The following PKM variants were observed in gnomAD, a reference collection of about 807,000 sequenced individuals.
PKM encodes the protein pyruvate kinase PKM.
In PKM, 18 loss-of-function variants were observed where a neutral mutation model predicts 49.8. The ratio of observed to expected loss-of-function variants is 0.36; its 90% confidence interval spans 0.25 to 0.54. The LOEUF (loss-of-function observed/expected upper bound fraction) is 0.54, where lower values mean the gene tolerates loss of function less well. PKM is among the 20% of genes least tolerant of loss of function. The probability of loss-of-function intolerance (pLI) is 0.89; values close to 1 mark genes in which losing one functional copy is unlikely to be tolerated. For synonymous variants in PKM, 239 were observed against 261.8 expected (o/e 0.91, Z 0.84); for missense variants, 508 against 713.8 (o/e 0.71, Z 3.28).
chr15:72,211,413 G>A (rs2082251499), intron 3 of PKM, among the ~76,000 whole-genome samples: 1 of 152,150 alleles, frequency 6.6e-6, no homozygotes, highest in South Asian at 2.1e-4. Flanking sequence ...GTGGTCATAT[G>A]CCTTTCTCTA....
At chr15:72,206,648 A>G in intron 8 of PKM, 80 bp downstream of exon 8, 1 of 1,401,316 alleles carries the variant, frequency 7.1e-7, no homozygotes, top group South Asian at 1.2e-5. Flanking sequence ...GGAGAAACCT[A>G]AAAAGCTCTG....
At chr15:72,217,174 G>A (rs1451428602) in intron 3 of PKM, among the ~76,000 whole-genome samples, 1 of 152,180 alleles carries the variant, frequency 6.6e-6, no homozygotes, top group Non-Finnish European at 1.5e-5. Flanking sequence ...AGAGGTGTGT[G>A]GGAGAACCAC....
chr15:72,218,538 G>A (rs1426684763), intron 2 of PKM, among the ~76,000 whole-genome samples: 7 of 151,390 alleles, frequency 4.6e-5, no homozygotes, highest in African/African-American at 1.7e-4. Context: ...CTTTGTCTCA[G>A]CCTCCCATGT....
chr15:72,211,837 C>T (rs943747595), intron 3 of PKM, among the ~76,000 whole-genome samples: 2 of 151,698 alleles, frequency 1.3e-5, no homozygotes, highest in African/African-American at 4.8e-5. Flanking sequence ...AGACGCAGAG[C>T]CAAGATGTCA....
chr15:72,218,978 G>T lies in PKM; in HGVS notation c.120C>A (p.Ile40=). 6.2e-7 allele frequency: 1 copy of T among 1,614,226 alleles called. No homozygotes were observed. The highest frequency in any genetic ancestry group is 8.5e-7 in the Non-Finnish European group (1 of 1,180,046). Residue 40 remains isoleucine, a synonymous_variant, in exon 2 of 11, where the codon ATC becomes ATA. Coordinates refer to ENST00000335181, the MANE Select transcript of PKM (RefSeq NM_002654.6). ...MCRLDIDSPP[I]TARNTGIICT... is the part of the protein sequence containing the mutation. ...AGATGATGCCAGTGTTCCGGGCTGT[G>T]ATGGGTGGTGAATCAATGTCCAGGC...
In PKM at chr15:72,199,691, A is replaced by G. The variant is rs1205141112; in HGVS notation, c.1555T>C (p.Ser519Pro). 2.5e-6 allele frequency: 4 copies of G among 1,613,868 alleles called. No homozygotes were observed. The South Asian group carries it at 3.3e-5, about 13-fold the overall frequency. The change falls in exon 11 of 11, where the codon TCC becomes CCC. Residue 519 changes from serine (S) to proline (P), a missense_variant. Coordinates refer to ENST00000335181, the MANE Select transcript of PKM (RefSeq NM_002654.6). Reference protein sequence around the residue: ...VIVLTGWRPGSGFTNTMRVVP... With the variant: ...VIVLTGWRPGPGFTNTMRVVP... ...ACACGCATGGTGTTGGTGAAGCCGG[A>G]GCCAGGGCGCCATCCGGTCAGCACA...
chr15:72,214,885 G>A (rs2082339576), intron 3 of PKM, among the ~76,000 whole-genome samples: 1 of 152,082 alleles, frequency 6.6e-6, no homozygotes, highest in South Asian at 2.1e-4. Context: ...CATGTGAACT[G>A]CCAAAAGTGA....
chr15:72,229,404 T>A, intron 1 of PKM: 1 of 401,330 alleles, frequency 2.5e-6, no homozygotes, highest in South Asian at 1.9e-5. Context: ...GAGTCAAACC[T>A]GATTCTAAAC....
intron 6 of PKM, among the ~76,000 whole-genome samples, chr15:72,207,590 T>A (rs1218809701): frequency 6.6e-6 from 1 of 151,910 alleles, no homozygotes; most frequent in Non-Finnish European, 1.5e-5. Context: ...ATGTTAGGGG[T>A]CTCTCTAGGG....
At position 72,202,657 on chromosome 15, in the gene PKM, G is replaced by A. The variant is rs536086396; in HGVS notation, c.1141-37C>T. ...ACATCCGTCCAGAGGGACGAGAGGG[G>A]GACAGAGCTTTGTCAGAGCTTTGTC... On this transcript the variant is annotated intron_variant, in intron 8 of 10. Transcript: ENST00000335181. The surrounding 1 kb of genome is among the most constrained non-coding windows in gnomAD (Gnocchi z 4.5). 1.2e-5 allele frequency: 19 copies of A among 1,578,384 alleles called. No individual in the cohort carries two copies. In the South Asian group the frequency reaches 1.9e-4, roughly 16 times the overall value.
chr15:72,202,891 C>T lies in PKM; in HGVS notation c.1141-271G>A, dbSNP rs766376262. ...TTGGTCCTGCCCTGCCATGACCTCC[C>T]TGGCGGTGTTCCTACAGACGAGAAG... On this transcript the variant is annotated intron_variant, in intron 8 of 10. Transcript: ENST00000335181. This position sits in a 1 kb window ranked among gnomAD's most constrained non-coding sequence, Gnocchi z 4.5. 1.0e-6 allele frequency: 1 copy of T among 985,482 alleles called. No individual in the cohort carries two copies. The highest frequency in any genetic ancestry group is 1.6e-6 in the Non-Finnish European group (1 of 627,126). The allele number at this position is 985,482 out of a possible 1,614,324, so 61.0% of individuals were successfully genotyped here. A position where few individuals can be genotyped will look rare whatever the true frequency, so the allele number is the denominator to read the frequency against.
intron 3 of PKM, among the ~76,000 whole-genome samples, chr15:72,217,167 GGT>G: frequency 6.6e-6 from 1 of 152,332 alleles, no homozygotes; most frequent in East Asian, 1.9e-4. Context: ...GGGTAGGAGA[GGT>G]GTGTGGGAGA....
rs185510455 is a variant in PKM at position 72,221,462 on chromosome 15, C to G, written c.-13-2352G>C. 1.1e-3 allele frequency among the ~76,000 whole-genome samples: 174 copies of G among 152,184 alleles called. 3 individuals carry two copies. Among genetic ancestry groups the G allele is most frequent in the Admixed American group, 0.011 (172 of 15,296 alleles). On this transcript the variant is annotated intron_variant, in intron 1 of 10. Coordinates refer to ENST00000335181, the MANE Select transcript of PKM (RefSeq NM_002654.6). The stretch of plus-strand genomic sequence containing the variant: ...TCTATACAAGAACCTGGTCCCTCCC[C>G]TTTTGGGAGCGGGGAAGGGACACCA...
chr15:72,226,488 C>G lies in PKM; in HGVS notation c.-14+4628G>C, dbSNP rs8192375. On this transcript the variant is annotated intron_variant, in intron 1 of 10. Transcript: ENST00000335181. The stretch of plus-strand genomic sequence containing the variant: ...GAGCTTGCAGTGAGCTGAGATTGCA[C>G]CACTGCACTCCAGCCTGGGTCATGG... Among the ~76,000 whole-genome samples, 750 of 152,250 alleles carry G rather than the reference C, an allele frequency of 4.9e-3. 29 individuals are homozygous for G. Among genetic ancestry groups the G allele is most frequent in the Admixed American group, 0.045 (692 of 15,306 alleles).
chr15:72,213,667 G>A (rs1261528994), intron 3 of PKM, among the ~76,000 whole-genome samples: 3 of 152,192 alleles, frequency 2.0e-5, no homozygotes, highest in Non-Finnish European at 4.4e-5. Flanking sequence ...CTGACCTCAA[G>A]TGATCCCTCC....
In PKM at chr15:72,202,364, C is replaced by T. The variant is rs2081965428; in HGVS notation, c.1307+90G>A. On this transcript the variant is annotated intron_variant, in intron 9 of 10. Coordinates refer to ENST00000335181, the MANE Select transcript of PKM (RefSeq NM_002654.6). This position sits in a 1 kb window ranked among gnomAD's most constrained non-coding sequence, Gnocchi z 4.5. ...GGGGTCTTACCTTGGCTCAGTGCCA[C>T]CTGAGCATTGTTCAATGGACTGCTC... 2 of 1,345,506 alleles carry T rather than the reference C, an allele frequency of 1.5e-6. No homozygotes were observed. The highest frequency in any genetic ancestry group is 2.1e-6 in the Non-Finnish European group (2 of 961,520). The allele number at this position is 1,345,506 out of a possible 1,614,324, so 83.3% of individuals were successfully genotyped here.
rs907384969 is a variant in PKM at position 72,202,707 on chromosome 15, T to G, written c.1141-87A>C. ...CACAAAAGGAGAGGGAGGGGAAGAG[T>G]CACCGGACAGCTGGTGAGGAACATG... On this transcript the variant is annotated intron_variant, in intron 8 of 10. Coordinates refer to ENST00000335181, the MANE Select transcript of PKM (RefSeq NM_002654.6). The surrounding 1 kb of genome is among the most constrained non-coding windows in gnomAD (Gnocchi z 4.5). 2 of 1,165,254 alleles carry G rather than the reference T, an allele frequency of 1.7e-6. No homozygotes were observed. Among genetic ancestry groups the G allele is most frequent in the African/African-American group, 1.5e-5 (1 of 65,500 alleles). 72.2% of individuals were successfully genotyped at this position (1,165,254 alleles called of 1,614,324 possible).
At chr15:72,214,961 G>A (rs1206873519) in intron 3 of PKM, among the ~76,000 whole-genome samples, 1 of 151,826 alleles carries the variant, frequency 6.6e-6, no homozygotes, top group Non-Finnish European at 1.5e-5. Flanking sequence ...GCCTTTAGGA[G>A]GCCGAGGCAG....
intron 5 of PKM, chr15:72,209,421 A>ATATATATG (rs2082178311): frequency 4.8e-5 from 1 of 20,648 alleles, no homozygotes; most frequent in African/African-American, 1.2e-4. Flanking sequence ...ATATATATAT[A>ATATATATG]TATATATATA....
Sources: gnomAD v4.1 joint callset for allele counts (sites outside exome capture counted in the v4.1 genomes callset) on GRCh38, gnomAD v4.1.1 for gene constraint, Gnocchi (gnomAD v3.1) non-coding constraint, MANE v1.5 for transcripts, NCBI Gene and HGNC (gene_info 2026-07-23, HGNC 2026-07-21) for gene names.